Variants in ADCY2 observed in about 807,000 individuals in gnomAD.
ADCY2 encodes the protein adenylate cyclase 2, also known as adenylate cyclase type 2.
A neutral mutation model predicts 125.2 loss-of-function variants in ADCY2; 31 were observed. The observed-to-expected ratio is 0.25, with a 90% CI of 0.19 to 0.33. The LOEUF (loss-of-function observed/expected upper bound fraction) is 0.33. ADCY2 is among the 10% of genes least tolerant of loss of function. The pLI, the probability that ADCY2 is intolerant of heterozygous loss-of-function variation, is 1.00. For missense variants in ADCY2, 904 were observed against 1,418.2 expected, an observed-to-expected ratio of 0.64 and a Z score of 5.82; for synonymous variants, 512 against 548.4, an observed-to-expected ratio of 0.93 and a Z score of 0.93.
chr5:7,640,828 ATCTT>A (rs898514123), intron 4 of ADCY2, among the ~76,000 whole-genome samples: 13 of 152,188 alleles, frequency 8.5e-5, no homozygotes, highest in Admixed American at 2.6e-4. Context: ...ATATCTTGCT[ATCTT>A]TCTTTACCCT....
rs533994420 is a variant in ADCY2, at chr5:7,454,281, G to A, written c.408+39511G>A. Among the ~76,000 whole-genome samples the A allele has an allele frequency of 3.2e-4, 49 of 152,254 alleles. 1 individual carries two copies. The highest frequency in any genetic ancestry group is 6.5e-4 in the Non-Finnish European group (44 of 68,010). ...AATGTGCTTTTAAATTAAGGTATGT[G>A]CATTCTTTAAGTAGTGCTATTTAGG... On this transcript the variant is annotated intron_variant, in intron 2 of 24. Transcript: ENST00000338316.
At chr5:7,478,795 T>C (rs917545502) in intron 2 of ADCY2, among the ~76,000 whole-genome samples, 1 of 152,178 alleles carries the variant, frequency 6.6e-6, no homozygotes, top group African/African-American at 2.4e-5. Context: ...TTTTACATTA[T>C]GTATTGGAGT....
chr5:7,682,424 C>G (rs1489719876), intron 4 of ADCY2, among the ~76,000 whole-genome samples: 1 of 152,162 alleles, frequency 6.6e-6, no homozygotes, highest in Non-Finnish European at 1.5e-5. Context: ...GGCTTTGCCC[C>G]CTTCTGTTGC....
At chr5:7,468,314 C>T (rs1561042371) in intron 2 of ADCY2, among the ~76,000 whole-genome samples, 2 of 152,072 alleles carry the variant, frequency 1.3e-5, no homozygotes, top group African/African-American at 2.4e-5. Flanking sequence ...GAATGAAGGA[C>T]TCTTTGTGAA....
At position 7,759,509 on chromosome 5, in the gene ADCY2, C is replaced by T. The variant is rs74346699; in HGVS notation, c.2094+1923C>T. The stretch of plus-strand genomic sequence containing the variant: ...AGAGGTCCTGACAGGCCAGGTCCAC[C>T]GCTGGAAGCCCTCCTCCTGCCCTTC... On this transcript the variant is annotated intron_variant, in intron 16 of 24. Coordinates refer to ENST00000338316, the MANE Select transcript of ADCY2 (RefSeq NM_020546.3). Among the ~76,000 whole-genome samples the T allele has an allele frequency of 7.2e-5, 11 of 152,288 alleles. No homozygotes were observed. In the East Asian group the frequency reaches 9.7e-4, roughly 13 times the overall value.
At chr5:7,667,602 C>T (rs1739802539) in intron 4 of ADCY2, among the ~76,000 whole-genome samples, 1 of 152,164 alleles carries the variant, frequency 6.6e-6, no homozygotes, top group Non-Finnish European at 1.5e-5. Flanking sequence ...GGAATGAATA[C>T]ATTCTACACT....
chr5:7,647,449 T>C (rs1738939057), intron 4 of ADCY2, among the ~76,000 whole-genome samples: 2 of 152,162 alleles, frequency 1.3e-5, no homozygotes, highest in African/African-American at 4.8e-5. Flanking sequence ...ACACAGTGCA[T>C]GTGGGCCCTG....
chr5:7,654,632 T>G (rs1739258341), intron 4 of ADCY2, among the ~76,000 whole-genome samples: 1 of 152,196 alleles, frequency 6.6e-6, no homozygotes, highest in Admixed American at 6.5e-5. Context: ...CCTTCTCATT[T>G]TACAAGTTTG....
In ADCY2 at chr5:7,757,451, A is replaced by G. The variant is rs187625090; in HGVS notation, c.1959A>G (p.Gln653=). 2.2e-4 allele frequency: 350 copies of G among 1,613,558 alleles called. 2 individuals are homozygous for G. In the East Asian group the frequency reaches 6.1e-3, roughly 28 times the overall value. The change falls in exon 16 of 25, where the codon CAA becomes CAG. Residue 653 remains glutamine (Q), a splice_region_variant and synonymous_variant. Coordinates refer to ENST00000338316, the MANE Select transcript of ADCY2 (RefSeq NM_020546.3). ...TTTTTCTTTCTCTCTTCTCCTAGCA[A>G]TGCAGCAAAAAAGCCTCTCCCCTGC... is the stretch of plus-strand genomic sequence containing the variant. ...LFVCFAGQLL[Q]CSKKASPLLM... is the part of the protein sequence containing the mutation.
At chr5:7,398,842 C>T (rs1407645161) in intron 1 of ADCY2, among the ~76,000 whole-genome samples, 1 of 152,236 alleles carries the variant, frequency 6.6e-6, no homozygotes, top group Admixed American at 6.5e-5. Context: ...GGGCTCCCAA[C>T]AGCCTGTTTC....
intron 4 of ADCY2, among the ~76,000 whole-genome samples, chr5:7,662,741 C>G (rs1239193187): frequency 6.6e-6 from 1 of 152,182 alleles, no homozygotes; most frequent in African/African-American, 2.4e-5. Flanking sequence ...CACGGACCAC[C>G]CTATCCTGGT....
At chr5:7,408,913 T>A (rs2126314714) in intron 1 of ADCY2, among the ~76,000 whole-genome samples, 1 of 152,188 alleles carries the variant, frequency 6.6e-6, no homozygotes, top group Middle Eastern at 3.4e-3. Context: ...CATTCTATTA[T>A]AAAGACACAT....
chr5:7,749,975 C>T (rs964768236), intron 15 of ADCY2, among the ~76,000 whole-genome samples: 1 of 152,110 alleles, frequency 6.6e-6, no homozygotes, highest in Non-Finnish European at 1.5e-5. Context: ...TTCCTTGTTC[C>T]ATCTTTCTAC....
At chr5:7,572,142 G>C (rs562870501) in intron 3 of ADCY2, among the ~76,000 whole-genome samples, 36 of 152,198 alleles carry the variant, frequency 2.4e-4, no homozygotes, top group African/African-American at 8.4e-4. Flanking sequence ...TTATATTCCT[G>C]TGGGTATATA....
intron 1 of ADCY2, among the ~76,000 whole-genome samples, chr5:7,412,285 A>G (rs1463833531): frequency 1.3e-5 from 2 of 152,150 alleles, no homozygotes; most frequent in Non-Finnish European, 2.9e-5. Flanking sequence ...CCCTGCTGGG[A>G]TAATGAAATG....
chr5:7,557,855 T>C (rs766880381), intron 3 of ADCY2, among the ~76,000 whole-genome samples: 1 of 152,176 alleles, frequency 6.6e-6, no homozygotes, highest in Non-Finnish European at 1.5e-5. Context: ...AGTAGAATGA[T>C]TTCTATTCCT....
intron 2 of ADCY2, among the ~76,000 whole-genome samples, chr5:7,515,481 T>A (rs1376049038): frequency 6.6e-6 from 1 of 152,230 alleles, no homozygotes; most frequent in East Asian, 1.9e-4. Flanking sequence ...CTGCTCCTGA[T>A]TCAACCCAGT....
chr5:7,493,529 C>T (rs906752032), intron 2 of ADCY2, among the ~76,000 whole-genome samples: 5 of 152,152 alleles, frequency 3.3e-5, no homozygotes, highest in Admixed American at 1.3e-4. Flanking sequence ...TGCTGGAACT[C>T]TGTTGTTTAA....
At chr5:7,651,246 A>G (rs1266782494) in intron 4 of ADCY2, among the ~76,000 whole-genome samples, 7 of 152,186 alleles carry the variant, frequency 4.6e-5, no homozygotes, top group Admixed American at 4.6e-4. Flanking sequence ...TCATGTCTGT[A>G]TTAGTCAGGG....
Sources: gnomAD v4.1 joint callset for allele counts (sites outside exome capture counted in the v4.1 genomes callset) on GRCh38, gnomAD v4.1.1 for gene constraint, MANE v1.5 for transcripts, NCBI Gene and HGNC (gene_info 2026-07-23, HGNC 2026-07-21) for gene names.